The following PARP16 variants were observed in gnomAD, a reference collection of about 807,000 sequenced individuals.
The protein encoded by PARP16 is protein mono-ADP-ribosyltransferase PARP16.
In PARP16, 31 loss-of-function variants were observed where a neutral mutation model predicts 35.0. The observed-to-expected ratio is 0.88, with a 90% CI of 0.66 to 1.19. The LOEUF (loss-of-function observed/expected upper bound fraction) is 1.19. Among genes scored for constraint, PARP16 ranks in the 50% most tolerant of loss-of-function variants. The pLI is 0.00. For missense variants in PARP16, 424 were observed against 411.2 expected, an observed-to-expected ratio of 1.03 and a Z score of -0.27; for synonymous variants, 162 against 169.5, an observed-to-expected ratio of 0.96 and a Z score of 0.34.
chr15:65,246,922 G>A (rs1044539905), intron 3 of PARP16, among the ~76,000 whole-genome samples: 1 of 152,148 alleles, frequency 6.6e-6, no homozygotes, highest in African/African-American at 2.4e-5. Context: ...TATGAAAGCT[G>A]GAAAGTCTGT....
At chr15:65,239,984 G>GTCTC (rs202088335) in intron 3 of PARP16, among the ~76,000 whole-genome samples, 808 of 54,690 alleles carry the variant, frequency 0.015, 14 homozygotes, top group African/African-American at 0.067. Context: ...TAAATACAGG[G>GTCTC]TCTCACTCCG....
Position 65,259,364 on chromosome 15 carries a change from A to T in PARP16, c.*43T>A, listed in dbSNP as rs1463317103. 2 of 1,608,144 alleles carry T rather than the reference A, an allele frequency of 1.2e-6. No homozygotes were observed. Among genetic ancestry groups the T allele is most frequent in the Non-Finnish European group, 8.5e-7 (1 of 1,174,946 alleles). On this transcript the variant is annotated 3_prime_UTR_variant, in exon 6 of 6. Coordinates refer to ENST00000649807, the MANE Select transcript of PARP16 (RefSeq NM_001316943.2). ...TAGGAGGTACAGAACAAGTTACCAT[A>T]AGGCACATAGTTGAGGTAGCCCCCA... is the stretch of plus-strand genomic sequence containing the variant.
chr15:65,236,669 C>T (rs971137629), intron 3 of PARP16, among the ~76,000 whole-genome samples: 4 of 152,138 alleles, frequency 2.6e-5, no homozygotes, highest in Non-Finnish European at 4.4e-5. Context: ...ATTGGACTTC[C>T]GCATAAAAGT....
At chr15:65,263,433 CG>C in intron 3 of PARP16, 113 bp from the exon 4 acceptor site, 1 of 783,894 alleles carries the variant, frequency 1.3e-6, no homozygotes. Context: ...GTACAACCCC[CG>C]CTTTTTGCCC....
At chr15:65,246,511 A>G (rs1055377920) in intron 3 of PARP16, among the ~76,000 whole-genome samples, 1 of 152,182 alleles carries the variant, frequency 6.6e-6, no homozygotes, top group Admixed American at 6.5e-5. Flanking sequence ...ATGTGCCCAT[A>G]CTGGGGCTGG....
intron 1 of PARP16, among the ~76,000 whole-genome samples, chr15:65,276,974 C>A (rs62014960): frequency 0.41 from 60,648 of 149,182 alleles, 13,756 homozygotes; most frequent in East Asian, 0.86. Context: ...AAGAGTCAAA[C>A]TTCATCTAAA....
chr15:65,256,963 A>G (rs2089531841), downstream of PARP16, among the ~76,000 whole-genome samples: 1 of 152,206 alleles, frequency 6.6e-6, no homozygotes, highest in African/African-American at 2.4e-5. Context: ...CAGCTCTGCC[A>G]CATCCTAGCA....
At chr15:65,282,712 T>G (rs2090456922) in intron 1 of PARP16, 1 of 152,222 alleles carries the variant, frequency 6.6e-6, no homozygotes, top group South Asian at 2.1e-4. Context: ...GGTAACTATC[T>G]GGGACTGGTA....
chr15:65,269,319 C>T (rs2090021580), intron 2 of PARP16, among the ~76,000 whole-genome samples: 2 of 152,114 alleles, frequency 1.3e-5, no homozygotes, highest in African/African-American at 4.8e-5. Flanking sequence ...GCCTCAGCCT[C>T]CCACGTAGCT....
chr15:65,246,017 G>T (rs2089200436), intron 3 of PARP16, among the ~76,000 whole-genome samples: 1 of 152,112 alleles, frequency 6.6e-6, no homozygotes, highest in African/African-American at 2.4e-5. Context: ...GTAACTCTTA[G>T]AGCTGAGAGA....
At chr15:65,253,961 G>A (rs1205419928), downstream of PARP16, among the ~76,000 whole-genome samples, 2 of 152,074 alleles carry the variant, frequency 1.3e-5, no homozygotes, top group African/African-American at 4.8e-5. Flanking sequence ...GGGACTACAG[G>A]CGCACACCAC....
At chr15:65,279,460 A>G (rs928914253) in intron 1 of PARP16, among the ~76,000 whole-genome samples, 4 of 152,146 alleles carry the variant, frequency 2.6e-5, no homozygotes, top group African/African-American at 9.7e-5. Context: ...CACCCTCCAT[A>G]TCACCATCCC....
chr15:65,252,826 A>C (rs2089394536), intron 2 of PARP16, among the ~76,000 whole-genome samples: 1 of 152,202 alleles, frequency 6.6e-6, no homozygotes, highest in South Asian at 2.1e-4. Context: ...GATCATCTGC[A>C]CTTTAAATAA....
At chr15:65,269,558 A>G (rs937686247) in intron 2 of PARP16, among the ~76,000 whole-genome samples, 1 of 152,210 alleles carries the variant, frequency 6.6e-6, no homozygotes, top group East Asian at 1.9e-4. Context: ...TCTCTGGATT[A>G]TGACTGAATG....
intron 1 of PARP16, among the ~76,000 whole-genome samples, chr15:65,274,488 C>T (rs774683434): frequency 1.3e-5 from 2 of 150,836 alleles, no homozygotes; most frequent in Middle Eastern, 3.4e-3. Context: ...GTGGGAGGAT[C>T]GCTAGAGCCT....
intron 3 of PARP16, among the ~76,000 whole-genome samples, chr15:65,247,524 C>T (rs1220606025): frequency 6.6e-6 from 1 of 152,116 alleles, no homozygotes. Flanking sequence ...AAGGCCTATA[C>T]AATTAATGAT....
At chr15:65,247,100 C>T (rs1448792962) in intron 3 of PARP16, among the ~76,000 whole-genome samples, 6 of 152,082 alleles carry the variant, frequency 3.9e-5, no homozygotes, top group Admixed American at 3.9e-4. Flanking sequence ...AAGCAGTCTT[C>T]CAGCCTTAGC....
intron 2 of PARP16, among the ~76,000 whole-genome samples, chr15:65,268,753 TG>T (rs1316755685): frequency 1.3e-5 from 2 of 151,474 alleles, no homozygotes; most frequent in Non-Finnish European, 1.5e-5. Flanking sequence ...TCCATTTCAG[TG>T]GTTTTTTCTT....
intron 3 of PARP16, among the ~76,000 whole-genome samples, chr15:65,235,671 TG>T (rs2088859730): frequency 6.8e-6 from 1 of 147,886 alleles, no homozygotes; most frequent in Non-Finnish European, 1.5e-5. Flanking sequence ...TAGCCGGGCA[TG>T]GTGGTACATG....
Sources: gnomAD v4.1 joint callset for allele counts (sites outside exome capture counted in the v4.1 genomes callset) on GRCh38, gnomAD v4.1.1 for gene constraint, MANE v1.5 for transcripts, NCBI Gene and HGNC (gene_info 2026-07-23, HGNC 2026-07-21) for gene names.